The following ZNF775 variants were observed in gnomAD, a reference collection of about 807,000 sequenced individuals.
ZNF775 encodes zinc finger protein 775.
ZNF775 carries 1 observed loss-of-function variant against 2.4 expected under a neutral mutation model. The ratio of observed to expected loss-of-function variants is 0.41; its 90% CI spans 0.15 to 1.94. ZNF775 has a LOEUF of 1.94. Ranked by LOEUF, ZNF775 falls within the 30% of genes most tolerant of loss-of-function variation. The pLI is 0.30. For missense variants in ZNF775, 823 were observed against 826.6 expected (o/e 1.00, Z 0.05); for synonymous variants, 381 against 373.3 (o/e 1.02, Z -0.24).
rs1175007858 is a variant in ZNF775, at chr7:150,382,307, TTGCCGCCCTG to T, written c.-50+2918_-50+2927del. Reference sequence around the variant, plus strand: ...ACTGCCCGATGCATCCGGCTCAGGCTTGCCGCCCTGTGGTGCTCCTCCCAAACTCAGGGAG... The same window carrying T: ...ACTGCCCGATGCATCCGGCTCAGGCTTGGTGCTCCTCCCAAACTCAGGGAG... On this transcript the variant is annotated intron_variant, in intron 1 of 2. Transcript: ENST00000329630. The surrounding 1 kb of genome is among the most constrained non-coding windows in gnomAD (Gnocchi z 4.6). 6.6e-6 allele frequency among the ~76,000 whole-genome samples: 1 copy of T among 152,170 alleles called. No individual in the cohort carries two copies. The highest frequency in any genetic ancestry group is 2.4e-5 in the African/African-American group (1 of 41,448).
At chr7:150,393,050 T>G (rs1484993662) in intron 2 of ZNF775, among the ~76,000 whole-genome samples, 1 of 152,212 alleles carries the variant, frequency 6.6e-6, no homozygotes, top group Non-Finnish European at 1.5e-5. Flanking sequence ...TACCTGGGTT[T>G]TGACAAAGGC....
intron 2 of ZNF775, among the ~76,000 whole-genome samples, chr7:150,393,043 C>A (rs1222375407): frequency 5.9e-5 from 9 of 152,080 alleles, no homozygotes. Context: ...TGTACCTTAC[C>A]TGGGTTTTGA....
chr7:150,390,203 TG>T (rs1396867597), intron 2 of ZNF775, among the ~76,000 whole-genome samples: 1 of 152,110 alleles, frequency 6.6e-6, no homozygotes, highest in African/African-American at 2.4e-5. Flanking sequence ...GCTCTTCATA[TG>T]GATACCTGAA....
rs1563260916 is a variant in ZNF775, at chr7:150,397,325, A to C, written c.844A>C (p.Ile282Leu). 1 of 1,588,230 alleles carries C rather than the reference A, an allele frequency of 6.3e-7. No homozygotes were observed. Among genetic ancestry groups the C allele is most frequent in the Non-Finnish European group, 8.5e-7 (1 of 1,171,842 alleles). Residue 282 changes from isoleucine to leucine, a missense_variant, in exon 3 of 3, where the codon ATC becomes CTC. Transcript: ENST00000329630. ...GGGGCCGGGCGAGCCGCGCCAGTTC[A>C]TCTGCAACGAGTGTGGCAAGAGCTT... ...PEGPGEPRQFICNECGKSFTW... is the reference protein window; with the variant it reads ...PEGPGEPRQFLCNECGKSFTW...
chr7:150,381,540 C>T lies in ZNF775; in HGVS notation c.-50+2148C>T, dbSNP rs541472768. Among the ~76,000 whole-genome samples the T allele has an allele frequency of 3.3e-5, 5 of 152,166 alleles. No individual in the cohort carries two copies. In the East Asian group the frequency reaches 5.8e-4, roughly 18 times the overall value. On this transcript the variant is annotated intron_variant, in intron 1 of 2. Coordinates refer to ENST00000329630, the MANE Select transcript of ZNF775 (RefSeq NM_173680.4). ...TCTCAGAGTCCTCTCACACTGTTTG[C>T]GTCCCGCCATCCCCACCCCCCACCG...
At position 150,391,866 on chromosome 7, in the gene ZNF775, C is replaced by T. The variant is rs1800565643; in HGVS notation, c.31+3365C>T. Among the ~76,000 whole-genome samples the T allele has an allele frequency of 2.6e-5, 4 of 151,888 alleles. No individual in the cohort carries two copies. In the South Asian group the frequency reaches 8.3e-4, roughly 32 times the overall value. On this transcript the variant is annotated intron_variant, in intron 2 of 2. Transcript: ENST00000329630. ...AGCTGGGATTGCAGGCACATGCTAC[C>T]ACACCCGGCTAATTGTTTTGTATTT...
rs1800726526 is a variant in ZNF775, at chr7:150,398,458, G to A, written c.*363G>A. On this transcript the variant is annotated 3_prime_UTR_variant, in exon 3 of 3. Coordinates refer to ENST00000329630, the MANE Select transcript of ZNF775 (RefSeq NM_173680.4). ...GGACTGGTCAGCTGTGGCACCAGCCGGTCCTGCCCACGCTTCAGGATGGCC... is the reference window on the plus strand; with the variant it reads ...GGACTGGTCAGCTGTGGCACCAGCCAGTCCTGCCCACGCTTCAGGATGGCC... The A allele has an allele frequency of 1.2e-5, 3 of 254,166 alleles. No homozygotes were observed. In the South Asian group the frequency reaches 2.7e-4, roughly 23 times the overall value. The allele number at this position is 254,166 out of a possible 1,614,324, so 15.7% of individuals were successfully genotyped here. A position where few individuals can be genotyped will look rare whatever the true frequency, so the allele number is the denominator to read the frequency against.
At chr7:150,381,378 G>A (rs1312795410) in intron 1 of ZNF775, among the ~76,000 whole-genome samples, 3 of 152,086 alleles carry the variant, frequency 2.0e-5, no homozygotes, top group African/African-American at 7.2e-5. Context: ...TGGGAATGTC[G>A]AGGGGAGCAA....
intron 2 of ZNF775, among the ~76,000 whole-genome samples, chr7:150,390,324 C>T (rs1306537254): frequency 6.6e-6 from 1 of 152,152 alleles, no homozygotes; most frequent in African/African-American, 2.4e-5. Flanking sequence ...CAGTCATTTG[C>T]GTCCGCCAGG....
At chr7:150,381,288 G>A (rs1304764184) in intron 1 of ZNF775, among the ~76,000 whole-genome samples, 1 of 152,048 alleles carries the variant, frequency 6.6e-6, no homozygotes, top group East Asian at 1.9e-4. Flanking sequence ...TCATGGCTGG[G>A]GTTGAATTGG....
intron 2 of ZNF775, among the ~76,000 whole-genome samples, chr7:150,390,119 C>G (rs1644231646): frequency 6.6e-6 from 1 of 151,812 alleles, no homozygotes; most frequent in African/African-American, 2.4e-5. Context: ...AAACCTAAAA[C>G]ATGATCCTTT....
At position 150,384,246 on chromosome 7, in the gene ZNF775, G is replaced by A. The variant is rs892994735; in HGVS notation, c.-49-4176G>A. Among the ~76,000 whole-genome samples the A allele has an allele frequency of 3.3e-5, 5 of 152,334 alleles. No homozygotes were observed. Among genetic ancestry groups the A allele is most frequent in the South Asian group, 2.1e-4 (1 of 4,832 alleles). ...AGGAAAGGTGGTCCGGTAGGGGCCCGGGGGCCCTTGTGCGATAGACAAAGC... is the reference window on the plus strand; with the variant it reads ...AGGAAAGGTGGTCCGGTAGGGGCCCAGGGGCCCTTGTGCGATAGACAAAGC... On this transcript the variant is annotated intron_variant, in intron 1 of 2. Coordinates refer to ENST00000329630, the MANE Select transcript of ZNF775 (RefSeq NM_173680.4). This position sits in a 1 kb window ranked among gnomAD's most constrained non-coding sequence, Gnocchi z 4.1.
chr7:150,380,338 T>C (rs1026375598), intron 1 of ZNF775: 4 of 152,382 alleles, frequency 2.6e-5, no homozygotes, highest in African/African-American at 9.6e-5. Flanking sequence ...GTGTGGAGCC[T>C]GTACTGGGTG....
chr7:150,390,910 CAG>C (rs1259986832), intron 2 of ZNF775, among the ~76,000 whole-genome samples: 1 of 152,238 alleles, frequency 6.6e-6, no homozygotes, highest in Non-Finnish European at 1.5e-5. Flanking sequence ...TTTATGCTCT[CAG>C]AATACCCATG....
Position 150,381,117 on chromosome 7 carries a change from T to C in ZNF775, c.-50+1725T>C, listed in dbSNP as rs370310718. 5.9e-5 allele frequency among the ~76,000 whole-genome samples: 9 copies of C among 152,206 alleles called. 1 individual carries two copies. The highest frequency in any genetic ancestry group is 1.9e-4 in the African/African-American group (8 of 41,510). On this transcript the variant is annotated intron_variant, in intron 1 of 2. Coordinates refer to ENST00000329630, the MANE Select transcript of ZNF775 (RefSeq NM_173680.4). ...CCTGACAGGTTCCTGAATATTAGAA[T>C]TGGGGCCGAGGAATGTAAGTGCAGC...
chr7:150,380,240 C>G (rs2129620720), intron 1 of ZNF775: 1 of 152,356 alleles, frequency 6.6e-6, no homozygotes, highest in East Asian at 1.9e-4. Context: ...CTTGAAGGTT[C>G]ATGCTTCCGT....
At position 150,397,489 on chromosome 7, in the gene ZNF775, GCA is replaced by G; in HGVS notation, c.1010_1011del (p.His337ProfsTer36). On this transcript the variant is annotated frameshift_variant, in exon 3 of 3. Transcript: ENST00000329630. LOFTEE classifies it low-confidence loss of function (END_TRUNC). Reference sequence around the variant, plus strand: ...TGCGCAACCACACAGGCGAGCGCCCGCACCCCTGCCCGCACTGTGGCCGCGGC... The same window carrying G: ...TGCGCAACCACACAGGCGAGCGCCCGCCCCTGCCCGCACTGTGGCCGCGGC... The part of the protein sequence containing the change: ...HLRNHTGERP[H>X]PCPHCGRGFR... The G allele has an allele frequency of 6.3e-7, 1 of 1,583,636 alleles. No homozygotes were observed. Among genetic ancestry groups the G allele is most frequent in the Non-Finnish European group, 8.5e-7 (1 of 1,171,638 alleles).
intron 2 of ZNF775, among the ~76,000 whole-genome samples, chr7:150,389,405 A>T: frequency 6.6e-6 from 1 of 152,270 alleles, no homozygotes; most frequent in African/African-American, 2.4e-5. Context: ...ACGTGGCCGC[A>T]AGTGCAAAAC....
In ZNF775 at chr7:150,397,403, C is replaced by T. The variant is rs1276598640; in HGVS notation, c.922C>T (p.Pro308Ser). The change falls in exon 3 of 3, where the codon CCC becomes TCC. Residue 308 changes from proline to serine, a missense_variant. Coordinates refer to ENST00000329630, the MANE Select transcript of ZNF775 (RefSeq NM_173680.4). The part of the protein sequence containing the change: ...IHQRIHTGER[P>S]YACPECGRRF... ...CCAGCGCATCCACACTGGCGAGCGCCCCTATGCGTGCCCCGAGTGCGGCCG... is the reference window on the plus strand; with the variant it reads ...CCAGCGCATCCACACTGGCGAGCGCTCCTATGCGTGCCCCGAGTGCGGCCG... 5.0e-6 allele frequency: 8 copies of T among 1,596,634 alleles called. No individual in the cohort carries two copies. Among genetic ancestry groups the T allele is most frequent in the Non-Finnish European group, 6.8e-6 (8 of 1,174,922 alleles).
Sources: allele counts gnomAD v4.1 joint callset (sites outside exome capture counted in the v4.1 genomes callset), GRCh38; gene constraint gnomAD v4.1.1; non-coding constraint Gnocchi (gnomAD v3.1); transcripts MANE v1.5; gene names NCBI Gene and HGNC (gene_info 2026-07-23, HGNC 2026-07-21).